CDH4: variants seen among roughly 807,000 people sequenced by gnomAD.
CDH4 encodes cadherin-4.
Under a neutral mutation model 86.0 loss-of-function variants are expected in CDH4, and 33 were observed. The observed-to-expected ratio is 0.38, with a 90% confidence interval of 0.29 to 0.51. CDH4 has a LOEUF of 0.51. CDH4 is among the 20% of genes least tolerant of loss of function. The pLI, the probability that CDH4 is intolerant of heterozygous loss-of-function variation, is 0.86. For synonymous variants in CDH4, 555 were observed against 549.4 expected (o/e 1.01, Z -0.14); for missense variants, 1,114 against 1,307.4 (o/e 0.85, Z 2.28).
At chr20:61,353,322 A>G (rs2084724280) in intron 2 of CDH4, among the ~76,000 whole-genome samples, 1 of 152,052 alleles carries the variant, frequency 6.6e-6, no homozygotes, top group Non-Finnish European at 1.5e-5. Context: ...TCCCTGAAGC[A>G]GCCTGTATCT....
At chr20:61,520,917 C>T (rs950565326) in intron 2 of CDH4, among the ~76,000 whole-genome samples, 27 of 152,284 alleles carry the variant, frequency 1.8e-4, no homozygotes, top group Admixed American at 1.6e-3. Context: ...AGGGAGCAAA[C>T]CCAGGTCAGT....
chr20:61,382,586 T>A (rs1379328650), intron 2 of CDH4, among the ~76,000 whole-genome samples: 1 of 152,192 alleles, frequency 6.6e-6, no homozygotes, highest in African/African-American at 2.4e-5. Flanking sequence ...GGGACTTATC[T>A]TTTCACAGTT....
intron 2 of CDH4, among the ~76,000 whole-genome samples, chr20:61,737,954 C>A (rs2088285526): frequency 6.6e-6 from 1 of 152,216 alleles, no homozygotes; most frequent in Non-Finnish European, 1.5e-5. Context: ...GCACACCCGC[C>A]TTGCTGGGCA....
At chr20:61,326,023 A>G (rs1468066384) in intron 2 of CDH4, among the ~76,000 whole-genome samples, 1 of 151,934 alleles carries the variant, frequency 6.6e-6, no homozygotes, top group African/African-American at 2.4e-5. Context: ...GTCCTAATAT[A>G]CCCGTGATAG....
intron 2 of CDH4, among the ~76,000 whole-genome samples, chr20:61,695,898 C>T (rs1213635841): frequency 1.3e-5 from 2 of 152,218 alleles, no homozygotes; most frequent in African/African-American, 4.8e-5. Context: ...GATGCAGCTC[C>T]TCCTGTGGGG....
At chr20:61,259,063 T>G (rs762304144) in intron 2 of CDH4, among the ~76,000 whole-genome samples, 8 of 152,152 alleles carry the variant, frequency 5.3e-5, no homozygotes, top group Non-Finnish European at 1.2e-4. Context: ...AATTGGGGCT[T>G]TGTTTTAGGA....
rs11481019 is a variant in CDH4 at position 61,298,706 on chromosome 20, C to CAA, written c.169+43780_169+43781dup. Reference sequence around the variant, plus strand: ...TATAATCATCACCCTTTTCTCTTGCCAAAAAAAAAAAAGAAAAAGAAAAAT... The same window carrying CAA: ...TATAATCATCACCCTTTTCTCTTGCCAAAAAAAAAAAAAAGAAAAAGAAAAAT... On this transcript the variant is annotated intron_variant, in intron 2 of 15. Coordinates refer to ENST00000614565, the MANE Select transcript of CDH4 (RefSeq NM_001794.5). Among the ~76,000 whole-genome samples the CAA allele has an allele frequency of 8.3e-3, 1,085 of 130,892 alleles. 9 individuals carry two copies. The highest frequency in any genetic ancestry group is 0.022 in the African/African-American group (741 of 33,226). The allele number at this position is 130,892 out of a possible 152,430, so 85.9% of individuals were successfully genotyped here. A position where few individuals can be genotyped will look rare whatever the true frequency, so the allele number is the denominator to read the frequency against.
At chr20:61,427,733 G>A (rs1356643355) in intron 2 of CDH4, among the ~76,000 whole-genome samples, 3 of 151,872 alleles carry the variant, frequency 2.0e-5, no homozygotes, top group South Asian at 4.2e-4. Flanking sequence ...GTCTACCCAC[G>A]CATTATTTGT....
intron 2 of CDH4, among the ~76,000 whole-genome samples, chr20:61,454,458 T>A (rs1315087722): frequency 6.6e-6 from 1 of 152,098 alleles, no homozygotes; most frequent in Non-Finnish European, 1.5e-5. Context: ...TTTTTCTTTC[T>A]TTTTTGAGAC....
At chr20:61,476,058 A>AGTGGTGG (rs1240003563) in intron 2 of CDH4, among the ~76,000 whole-genome samples, 1 of 152,212 alleles carries the variant, frequency 6.6e-6, no homozygotes, top group African/African-American at 2.4e-5. Flanking sequence ...GCACAGGAAT[A>AGTGGTGG]ACAGTAGTGG....
In CDH4 at chr20:61,349,032, T is replaced by C. The variant is rs2084695188; in HGVS notation, c.169+94095T>C. Among the ~76,000 whole-genome samples the C allele has an allele frequency of 2.0e-5, 3 of 152,222 alleles. No homozygotes were observed. The South Asian group carries it at 6.2e-4, about 31-fold the overall frequency. On this transcript the variant is annotated intron_variant, in intron 2 of 15. Coordinates refer to ENST00000614565, the MANE Select transcript of CDH4 (RefSeq NM_001794.5). Reference sequence around the variant, plus strand: ...GGCCACATTGTGCCGCAATTGTTCCTTTATGTAGTTAGCTTCCTGTTTTAT... The same window carrying C: ...GGCCACATTGTGCCGCAATTGTTCCCTTATGTAGTTAGCTTCCTGTTTTAT...
chr20:61,411,454 C>G (rs2085118992), intron 2 of CDH4, among the ~76,000 whole-genome samples: 1 of 151,438 alleles, frequency 6.6e-6, no homozygotes, highest in Admixed American at 6.6e-5. Flanking sequence ...TCAAGCCAAA[C>G]TCTCTCATCT....
intron 4 of CDH4, among the ~76,000 whole-genome samples, chr20:61,841,655 G>A (rs1982177905): frequency 6.6e-6 from 1 of 151,990 alleles, no homozygotes. Context: ...GCAGAGCTGG[G>A]AAAGGAACCT....
Position 61,714,062 on chromosome 20 carries a change from T to TGTTATGTTATGTTATG in CDH4, c.170-29501_170-29500insGTTATGTTATGTTATG, listed in dbSNP as rs1237764006. The stretch of plus-strand genomic sequence containing the variant: ...TTTTATTTTATTTTATTTTATTTTA[T>TGTTATGTTATGTTATG]TTGAGATGGAGTCTCACTCTGTCGC... On this transcript the variant is annotated intron_variant, in intron 2 of 15. Coordinates refer to ENST00000614565, the MANE Select transcript of CDH4 (RefSeq NM_001794.5). 2.8e-3 allele frequency among the ~76,000 whole-genome samples: 427 copies of TGTTATGTTATGTTATG among 149,956 alleles called. 5 individuals are homozygous for TGTTATGTTATGTTATG. Among genetic ancestry groups the TGTTATGTTATGTTATG allele is most frequent in the South Asian group, 6.0e-3 (28 of 4,652 alleles).
At chr20:61,416,221 CGAAGT>C (rs960780476) in intron 2 of CDH4, among the ~76,000 whole-genome samples, 9 of 150,492 alleles carry the variant, frequency 6.0e-5, no homozygotes, top group Non-Finnish European at 1.0e-4. Context: ...AGGCTGGTCT[CGAAGT>C]CCTGACCTCA....
intron 2 of CDH4, among the ~76,000 whole-genome samples, chr20:61,598,151 T>C (rs2086570262): frequency 6.6e-6 from 1 of 152,102 alleles, no homozygotes; most frequent in African/African-American, 2.4e-5. Context: ...GACTTGCCTC[T>C]TGGGGGCATG....
chr20:61,283,445 T>C (rs1329451482), intron 2 of CDH4, among the ~76,000 whole-genome samples: 3 of 147,610 alleles, frequency 2.0e-5, no homozygotes, highest in African/African-American at 5.1e-5. Context: ...CTGTGGTGTG[T>C]GTGATGTGTG....
intron 2 of CDH4, among the ~76,000 whole-genome samples, chr20:61,571,877 G>A (rs979798690): frequency 6.6e-6 from 1 of 151,680 alleles, no homozygotes; most frequent in Non-Finnish European, 1.5e-5. Flanking sequence ...ATCACATGTG[G>A]TGTCCCTACC....
At position 61,879,107 on chromosome 20, in the gene CDH4, A is replaced by T. The variant is rs1984167102; in HGVS notation, c.1050+5207A>T. The stretch of plus-strand genomic sequence containing the variant: ...GGACCACCGTTGCCAGGCATTAGTA[A>T]ACCCACGCAGGCGGCCACTGACAGC... On this transcript the variant is annotated intron_variant, in intron 7 of 15. Coordinates refer to ENST00000614565, the MANE Select transcript of CDH4 (RefSeq NM_001794.5). This position sits in a 1 kb window ranked among gnomAD's most constrained non-coding sequence, Gnocchi z 4.1. 6.6e-6 allele frequency among the ~76,000 whole-genome samples: 1 copy of T among 152,224 alleles called. No homozygotes were observed. The highest frequency in any genetic ancestry group is 1.5e-5 in the Non-Finnish European group (1 of 68,034).
Sources: gnomAD v4.1 joint callset for allele counts (sites outside exome capture counted in the v4.1 genomes callset) on GRCh38, gnomAD v4.1.1 for gene constraint, Gnocchi (gnomAD v3.1) non-coding constraint, MANE v1.5 for transcripts, NCBI Gene and HGNC (gene_info 2026-07-23, HGNC 2026-07-21) for gene names.